Variants in CEMIP2 observed in about 807,000 individuals in gnomAD.
CEMIP2 encodes cell surface hyaluronidase CEMIP2.
CEMIP2 carries 79 observed loss-of-function variants against 146.9 expected under a neutral mutation model. The observed-to-expected ratio is 0.54, with a 90% confidence interval of 0.45 to 0.65. The LOEUF (loss-of-function observed/expected upper bound fraction) is 0.65. Ranked by LOEUF, CEMIP2 falls within the 30% of genes least tolerant of loss-of-function variation. The probability of loss-of-function intolerance (pLI) is 0.00; values close to 1 mark genes in which losing one functional copy is unlikely to be tolerated. For synonymous variants in CEMIP2, 601 were observed against 606.3 expected (o/e 0.99, Z 0.13); for missense variants, 1,596 against 1,696.2 (o/e 0.94, Z 1.04).
intron 13 of CEMIP2, 40 bp from the exon 14 acceptor site, chr9:71,716,592 A>G (rs775542885): frequency 2.6e-5 from 39 of 1,486,020 alleles, no homozygotes; most frequent in Non-Finnish European, 3.1e-5. Flanking sequence ...TTAATTTACC[A>G]TATTATGTAA....
At chr9:71,703,302 C>G (rs143477387) in intron 18 of CEMIP2, among the ~76,000 whole-genome samples, 484 of 152,280 alleles carry the variant, frequency 3.2e-3, no homozygotes, top group African/African-American at 0.011. Flanking sequence ...GAGTACTGGC[C>G]TTGGGGCTTG....
At chr9:71,714,580 A>T (rs1351866057) in intron 15 of CEMIP2, among the ~76,000 whole-genome samples, 1 of 152,202 alleles carries the variant, frequency 6.6e-6, no homozygotes, top group Non-Finnish European at 1.5e-5. Context: ...ACCTAATGTC[A>T]TAGTTTAGGG....
At chr9:71,698,292 T>C in intron 19 of CEMIP2, 88 bp from the exon 20 acceptor site, 1 of 1,060,942 alleles carries the variant, frequency 9.4e-7, no homozygotes, top group Non-Finnish European at 1.4e-6. Flanking sequence ...CCAAAAGGGA[T>C]ATTCCTCCAA....
At chr9:71,726,267 C>T (rs1394976624) in intron 10 of CEMIP2, among the ~76,000 whole-genome samples, 1 of 152,082 alleles carries the variant, frequency 6.6e-6, no homozygotes, top group Admixed American at 6.5e-5. Flanking sequence ...CCTGTCTGTT[C>T]AATTTCAGTA....
At chr9:71,739,939 C>T (rs1823866269) in intron 5 of CEMIP2, 124 bp downstream of exon 5, 2 of 921,732 alleles carry the variant, frequency 2.2e-6, no homozygotes, top group Non-Finnish European at 3.2e-6. Flanking sequence ...TAAGTTTCAA[C>T]TTCAACTAGT....
chr9:71,717,344 A>C (rs1237988726), intron 13 of CEMIP2, among the ~76,000 whole-genome samples: 3 of 152,120 alleles, frequency 2.0e-5, no homozygotes, highest in Admixed American at 2.0e-4. Context: ...TTTTTGGATG[A>C]AAAAACTCAG....
In CEMIP2 at chr9:71,729,852, C is replaced by A; in HGVS notation, c.2042G>T (p.Gly681Val). 1.9e-6 allele frequency: 3 copies of A among 1,614,062 alleles called. No individual in the cohort carries two copies. The highest frequency in any genetic ancestry group is 2.5e-6 in the Non-Finnish European group (3 of 1,179,936). The change falls in exon 10 of 24, where the codon GGC becomes GTC. Residue 681 changes from glycine (G) to valine (V), a missense_variant. By Grantham distance (109) the Gly-to-Val change is moderately radical. Coordinates refer to ENST00000377044, the MANE Select transcript of CEMIP2 (RefSeq NM_013390.3). ...NNNLINNAAA[G>V]SQDAGIWYLF... ...CACTTTAACGTTATTTACCTGTGAG[C>A]CTGCAGCTGCATTATTAATCAGATT...
At chr9:71,685,664 T>C in intron 23 of CEMIP2, 79 bp downstream of exon 23, 1 of 1,189,290 alleles carries the variant, frequency 8.4e-7, no homozygotes, top group Non-Finnish European at 1.2e-6. Context: ...ATGAAAATGG[T>C]CTGGTAGCTG....
In CEMIP2 at chr9:71,701,892, A is replaced by G. The variant is rs900047262; in HGVS notation, c.3195-1068T>C. Among the ~76,000 whole-genome samples the G allele has an allele frequency of 3.9e-5, 6 of 152,140 alleles. 1 individual carries two copies. The highest frequency in any genetic ancestry group is 2.6e-4 in the Admixed American group (4 of 15,282). ...ATAAGTACATTCTCAATGTTGTTCA[A>G]TCATCATCACTATTTCCCAAACTTT... On this transcript the variant is annotated intron_variant, in intron 18 of 23. Transcript: ENST00000377044.
chr9:71,685,296 T>C lies in CEMIP2; in HGVS notation c.4053A>G (p.Gln1351=), dbSNP rs77975679. ...PAGQGLGVLE[Q]FIPLQLDEYG... The stretch of plus-strand genomic sequence containing the variant: ...ATTCGTCCAGCTGCAAAGGTATGAA[T>C]TGTTCAAGCACCCCAAGGCCCTGTC... The change falls in exon 24 of 24, where the codon CAA becomes CAG. Residue 1351 remains glutamine, a synonymous_variant. Transcript: ENST00000377044. 47 of 1,612,820 alleles carry C rather than the reference T, an allele frequency of 2.9e-5. No individual in the cohort carries two copies. In the East Asian group the frequency reaches 1.0e-3, roughly 35 times the overall value.
In CEMIP2 at chr9:71,750,122, A is replaced by C; in HGVS notation, c.252T>G (p.Ile84Met). 2 of 1,613,942 alleles carry C rather than the reference A, an allele frequency of 1.2e-6. No individual in the cohort carries two copies. Among genetic ancestry groups the C allele is most frequent in the Non-Finnish European group, 1.7e-6 (2 of 1,179,990 alleles). The change falls in exon 2 of 24, where the codon ATT becomes ATG. Residue 84 changes from isoleucine to methionine, a missense_variant. Coordinates refer to ENST00000377044, the MANE Select transcript of CEMIP2 (RefSeq NM_013390.3). ...QKQKRHKNTF[I>M]CFAITSFSFF... ...ATGAGAAACTAGTAATAGCAAAACA[A>C]ATGAAAGTATTTTTGTGTCTCTTTT...
chr9:71,708,829 T>C (rs1490690347), intron 17 of CEMIP2, among the ~76,000 whole-genome samples: 1 of 152,204 alleles, frequency 6.6e-6, no homozygotes, highest in Non-Finnish European at 1.5e-5. Context: ...ATGTGACCTA[T>C]TGATATTTTG....
At chr9:71,724,954 G>T (rs1381442104) in intron 11 of CEMIP2, among the ~76,000 whole-genome samples, 3 of 152,096 alleles carry the variant, frequency 2.0e-5, no homozygotes, top group African/African-American at 7.2e-5. Flanking sequence ...AGAAACAAGG[G>T]AGAGGATGAG....
chr9:71,728,285 A>ATACACG lies in CEMIP2; in HGVS notation c.2049+1559_2049+1560insCGTGTA, dbSNP rs1554684743. 8.6e-3 allele frequency among the ~76,000 whole-genome samples: 236 copies of ATACACG among 27,296 alleles called. 38 individuals carry two copies. The highest frequency in any genetic ancestry group is 0.027 in the South Asian group (14 of 514). The allele number at this position is 27,296 out of a possible 152,430, so 17.9% of individuals were successfully genotyped here. A position where few individuals can be genotyped will look rare whatever the true frequency, so the allele number is the denominator to read the frequency against. ...CGTATATATATATATATATATGTATATATATATATATATATACATATATAT... is the reference window on the plus strand; with the variant it reads ...CGTATATATATATATATATATGTATATACACGTATATATATATATATACATATATAT... On this transcript the variant is annotated intron_variant, in intron 10 of 23. Coordinates refer to ENST00000377044, the MANE Select transcript of CEMIP2 (RefSeq NM_013390.3).
At chr9:71,697,944 T>G in intron 20 of CEMIP2, 41 bp downstream of exon 20, 1 of 1,589,452 alleles carries the variant, frequency 6.3e-7, no homozygotes, top group Non-Finnish European at 8.6e-7. Context: ...ACCCTCTGAC[T>G]TTTTCTCCTT....
Position 71,712,149 on chromosome 9 carries a change from G to A in CEMIP2, c.2703C>T (p.Phe901=). ...TPDRYSSAIG[F]LMKNSWQITP... ...TTATCTGCCAGGAATTCTTCATGAG[G>A]AAGCCAATTGCACTGCTGTACCTAT... Residue 901 remains phenylalanine, a synonymous_variant, in exon 16 of 24, where the codon TTC becomes TTT. Transcript: ENST00000377044. The A allele has an allele frequency of 6.2e-7, 1 of 1,614,116 alleles. No homozygotes were observed. Among genetic ancestry groups the A allele is most frequent in the Non-Finnish European group, 8.5e-7 (1 of 1,180,018 alleles).
chr9:71,740,047 A>C lies in CEMIP2; in HGVS notation c.1204+16T>G. 6.2e-7 allele frequency: 1 copy of C among 1,610,502 alleles called. No homozygotes were observed. Among genetic ancestry groups the C allele is most frequent in the Non-Finnish European group, 8.5e-7 (1 of 1,178,218 alleles). On this transcript the variant is annotated intron_variant, in intron 5 of 23. Coordinates refer to ENST00000377044, the MANE Select transcript of CEMIP2 (RefSeq NM_013390.3). ...CTTATCAGTGTCTTACAAGAGTATA[A>C]ACTCTACTTGCCTACCTTCAATCCA...
intron 17 of CEMIP2, 113 bp from the exon 18 acceptor site, chr9:71,704,916 C>T: frequency 1.0e-6 from 1 of 974,034 alleles, no homozygotes; most frequent in East Asian, 2.6e-5. Context: ...ATTCTGTGAT[C>T]TGTGCCAGAC....
At chr9:71,715,625 G>GATATATATATATAT (rs71790721) in intron 14 of CEMIP2, among the ~76,000 whole-genome samples, 3,552 of 118,872 alleles carry the variant, frequency 0.03, 180 homozygotes, top group East Asian at 0.06. Flanking sequence ...TCCCTCTTAA[G>GATATATATATATAT]ATATATATAT....
Sources: allele counts gnomAD v4.1 joint callset (sites outside exome capture counted in the v4.1 genomes callset), GRCh38; gene constraint gnomAD v4.1.1; transcripts MANE v1.5; gene names NCBI Gene and HGNC (gene_info 2026-07-23, HGNC 2026-07-21).